The following KIF26B variants were observed in gnomAD, a reference collection of about 807,000 sequenced individuals.
KIF26B encodes kinesin-like protein KIF26B.
A neutral mutation model predicts 151.2 loss-of-function variants in KIF26B; 63 were observed. The observed-to-expected ratio is 0.42, with a 90% CI of 0.34 to 0.51. KIF26B has a LOEUF of 0.51. Among genes scored for constraint, KIF26B ranks in the 20% least tolerant of loss-of-function variants. The pLI is 0.07. For missense variants in KIF26B, 2,813 were observed against 2,913.6 expected (o/e 0.97, Z 0.79); for synonymous variants, 1,357 against 1,262.1 (o/e 1.08, Z -1.59).
intron 10 of KIF26B, among the ~76,000 whole-genome samples, chr1:245,664,156 G>A (rs111330118): frequency 7.9e-5 from 12 of 151,974 alleles, no homozygotes; most frequent in African/African-American, 2.7e-4. Context: ...ATCACCTGAG[G>A]TCGGGAGTTC....
intron 4 of KIF26B, among the ~76,000 whole-genome samples, chr1:245,437,971 A>T (rs961494462): frequency 6.6e-5 from 10 of 152,140 alleles, no homozygotes; most frequent in Admixed American, 5.2e-4. Context: ...TTTCCCTCTC[A>T]TTACTCTCTT....
At chr1:245,285,344 C>T (rs1671146511) in intron 2 of KIF26B, among the ~76,000 whole-genome samples, 1 of 152,208 alleles carries the variant, frequency 6.6e-6, no homozygotes, top group Admixed American at 6.5e-5. Context: ...TAGCTAGAGC[C>T]ACTCATGTGG....
chr1:245,605,461 A>G (rs2043441625), intron 6 of KIF26B, among the ~76,000 whole-genome samples: 1 of 152,144 alleles, frequency 6.6e-6, no homozygotes, highest in Non-Finnish European at 1.5e-5. Flanking sequence ...CTTCGTTTCT[A>G]AGGAAATCAG....
chr1:245,224,217 G>A (rs552581641), intron 2 of KIF26B, among the ~76,000 whole-genome samples: 48 of 152,080 alleles, frequency 3.2e-4, no homozygotes, highest in Middle Eastern at 3.4e-3. Context: ...CCTGGGAGGC[G>A]GAGGTTGCGG....
chr1:245,520,579 T>C (rs1265610537), intron 4 of KIF26B, among the ~76,000 whole-genome samples: 1 of 71,876 alleles, frequency 1.4e-5, no homozygotes, highest in Admixed American at 1.3e-4. Flanking sequence ...CATCCATCCA[T>C]CCATCCATCC....
intron 2 of KIF26B, among the ~76,000 whole-genome samples, chr1:245,299,385 G>T (rs1044723716): frequency 2.0e-5 from 3 of 146,728 alleles, no homozygotes; most frequent in African/African-American, 7.6e-5. Flanking sequence ...AAGGATAAAG[G>T]ATAATTTCTG....
At chr1:245,460,635 AGTT>A (rs1359751450) in intron 4 of KIF26B, among the ~76,000 whole-genome samples, 1 of 152,224 alleles carries the variant, frequency 6.6e-6, no homozygotes, top group Admixed American at 6.5e-5. Flanking sequence ...GGCAAAGAAA[AGTT>A]GTGAGAAGAA....
intron 2 of KIF26B, among the ~76,000 whole-genome samples, chr1:245,304,457 A>AT (rs1047994717): frequency 1.3e-5 from 2 of 152,220 alleles, no homozygotes; most frequent in Admixed American, 6.5e-5. Flanking sequence ...AGTTGGTATC[A>AT]TTTTAGATTT....
intron 2 of KIF26B, among the ~76,000 whole-genome samples, chr1:245,309,769 G>A (rs184148123): frequency 0.01 from 1,497 of 145,454 alleles, 13 homozygotes; most frequent in Non-Finnish European, 0.016. Flanking sequence ...GAACTCTGGC[G>A]AATACAGACA....
At chr1:245,240,002 T>G (rs959830301) in intron 2 of KIF26B, among the ~76,000 whole-genome samples, 2 of 151,916 alleles carry the variant, frequency 1.3e-5, no homozygotes, top group Admixed American at 1.3e-4. Context: ...ATGGAGAAAC[T>G]CTATTAAAAA....
chr1:245,294,290 C>T (rs927835904), intron 2 of KIF26B, among the ~76,000 whole-genome samples: 6 of 152,206 alleles, frequency 3.9e-5, no homozygotes, highest in Admixed American at 3.9e-4. Context: ...CCCCTCCCCT[C>T]CCTCTCTTAT....
At chr1:245,301,018 T>C (rs555564304) in intron 2 of KIF26B, among the ~76,000 whole-genome samples, 6 of 138,036 alleles carry the variant, frequency 4.3e-5, no homozygotes, top group Non-Finnish European at 9.4e-5. Context: ...TTAGTAGAGA[T>C]GGGGGTTTCG....
At chr1:245,359,415 A>C (rs190634275) in intron 2 of KIF26B, among the ~76,000 whole-genome samples, 2 of 152,300 alleles carry the variant, frequency 1.3e-5, no homozygotes, top group East Asian at 3.9e-4. Flanking sequence ...TCGAACATCT[A>C]GCAAAGCCCC....
At chr1:245,183,388 A>G in intron 2 of KIF26B, among the ~76,000 whole-genome samples, 1 of 152,186 alleles carries the variant, frequency 6.6e-6, no homozygotes, top group East Asian at 1.9e-4. Flanking sequence ...ATGAAGATTT[A>G]CTTCCAGATT....
chr1:245,663,395 TTTTTG>T (rs2044179277), intron 10 of KIF26B, among the ~76,000 whole-genome samples: 3 of 152,164 alleles, frequency 2.0e-5, no homozygotes, highest in Non-Finnish European at 2.9e-5. Context: ...TGATCATTTT[TTTTTG>T]TTTATTTCTT....
Position 245,433,570 on chromosome 1 carries a change from C to T in KIF26B, c.1166+13825C>T, listed in dbSNP as rs575681332. ...TGTAGCATCAGAGTTTTCATCATTC[C>T]AAGTATTAGTGATAAAAATAATTCT... On this transcript the variant is annotated intron_variant, in intron 4 of 14. Coordinates refer to ENST00000407071, the MANE Select transcript of KIF26B (RefSeq NM_018012.4). 3.3e-5 allele frequency among the ~76,000 whole-genome samples: 5 copies of T among 152,060 alleles called. 1 individual carries two copies. In the South Asian group the frequency reaches 1.0e-3, roughly 32 times the overall value.
At chr1:245,203,223 G>C (rs1463653781) in intron 2 of KIF26B, among the ~76,000 whole-genome samples, 1 of 139,014 alleles carries the variant, frequency 7.2e-6, no homozygotes, top group African/African-American at 2.7e-5. Context: ...CTCCAGCCTG[G>C]GTGACAGAGC....
chr1:245,581,189 G>A lies in KIF26B; in HGVS notation c.1351-21388G>A, dbSNP rs1197885786. Among the ~76,000 whole-genome samples, 5 of 152,174 alleles carry A rather than the reference G, an allele frequency of 3.3e-5. No homozygotes were observed. In the East Asian group the frequency reaches 7.7e-4, roughly 23 times the overall value. ...GACATCCATCCTTTTGGTCCTTTGAGTAACATTTAAACAATTGTTTCTTCA... is the reference window on the plus strand; with the variant it reads ...GACATCCATCCTTTTGGTCCTTTGAATAACATTTAAACAATTGTTTCTTCA... On this transcript the variant is annotated intron_variant, in intron 5 of 14. Coordinates refer to ENST00000407071, the MANE Select transcript of KIF26B (RefSeq NM_018012.4).
At position 245,521,212 on chromosome 1, in the gene KIF26B, C is replaced by T. The variant is rs1308371998; in HGVS notation, c.1167-19555C>T. Among the ~76,000 whole-genome samples the T allele has an allele frequency of 5.3e-5, 8 of 152,206 alleles. 1 individual carries two copies. Among genetic ancestry groups the T allele is most frequent in the Admixed American group, 5.2e-4 (8 of 15,290 alleles). ...ATTAGCCAGGTGTGGTGGCGAGCACCTGTAGTCCCAGCTACTCCGAAGGCT... is the reference window on the plus strand; with the variant it reads ...ATTAGCCAGGTGTGGTGGCGAGCACTTGTAGTCCCAGCTACTCCGAAGGCT... On this transcript the variant is annotated intron_variant, in intron 4 of 14. Coordinates refer to ENST00000407071, the MANE Select transcript of KIF26B (RefSeq NM_018012.4).
Sources: gnomAD v4.1 joint callset for allele counts (sites outside exome capture counted in the v4.1 genomes callset) on GRCh38, gnomAD v4.1.1 for gene constraint, MANE v1.5 for transcripts, NCBI Gene and HGNC (gene_info 2026-07-23, HGNC 2026-07-21) for gene names.